Variants in SLC26A5 observed in about 807,000 individuals in gnomAD.
SLC26A5 encodes the protein solute carrier family 26 member 5.
Under a neutral mutation model 81.0 loss-of-function variants are expected in SLC26A5, and 51 were observed. That is an observed-to-expected ratio of 0.63 (90% CI 0.50 to 0.80). SLC26A5 has a LOEUF of 0.80. Among genes scored for constraint, SLC26A5 ranks in the 30% least tolerant of loss-of-function variants. The pLI is 0.00. For missense variants in SLC26A5, 771 were observed against 905.8 expected (o/e 0.85, Z 1.91); for synonymous variants, 325 against 332.8 (o/e 0.98, Z 0.25).
intron 2 of SLC26A5, among the ~76,000 whole-genome samples, chr7:103,434,799 G>C (rs964854565): frequency 2.6e-5 from 4 of 152,028 alleles, no homozygotes; most frequent in Non-Finnish European, 4.4e-5. Flanking sequence ...GTACAGGAGT[G>C]CGCCACCACG....
At chr7:103,425,630 A>C (rs1825663107) in intron 2 of SLC26A5, among the ~76,000 whole-genome samples, 1 of 152,208 alleles carries the variant, frequency 6.6e-6, no homozygotes. Flanking sequence ...TATACATCAT[A>C]TATAGAATAT....
intron 8 of SLC26A5, among the ~76,000 whole-genome samples, chr7:103,405,855 T>C (rs1824005224): frequency 6.6e-6 from 1 of 152,192 alleles, no homozygotes; most frequent in Non-Finnish European, 1.5e-5. Flanking sequence ...GGCTGCTGCC[T>C]TTCTTTCAGA....
rs540352784 is a variant in SLC26A5 at position 103,364,415 on chromosome 7, T to C, written c.2042-11489A>G. ...GAGGGATCCAGACCTGAAATTTCTT[T>C]TTTCTTTTGTTGAGACAGAGTCTCA... On this transcript the variant is annotated intron_variant, in intron 19 of 19. Coordinates refer to the SLC26A5 transcript ENST00000339444. The C allele has an allele frequency of 1.9e-5, 25 of 1,282,516 alleles. No individual in the cohort carries two copies. In the East Asian group the frequency reaches 5.1e-4, roughly 26 times the overall value. The allele number at this position is 1,282,516 out of a possible 1,614,324, so 79.4% of individuals were successfully genotyped here.
At chr7:103,407,000 G>A (rs1442936374) in intron 8 of SLC26A5, among the ~76,000 whole-genome samples, 1 of 152,156 alleles carries the variant, frequency 6.6e-6, no homozygotes, top group Non-Finnish European at 1.5e-5. Flanking sequence ...GTGCAAACAA[G>A]CCCCAGGGTG....
In SLC26A5 at chr7:103,420,674, T is replaced by G; in HGVS notation, c.292+64A>C. On this transcript the variant is annotated intron_variant, in intron 4 of 19. Coordinates refer to ENST00000306312, the MANE Select transcript of SLC26A5 (RefSeq NM_198999.3). The stretch of plus-strand genomic sequence containing the variant: ...TTATGAATTTGCAATCATGATGAAA[T>G]AAACAGAAGGTCAAGCAATTGTTTG... 2.5e-6 allele frequency: 4 copies of G among 1,593,502 alleles called. 1 individual carries two copies. The South Asian group carries it at 4.4e-5, about 18-fold the overall frequency.
In SLC26A5 at chr7:103,427,485, T is replaced by C. The variant is rs565499522; in HGVS notation, c.-53-5918A>G. ...GGGTAAGAGGCTTATCCAAAAATATTTGCAAAACACAAACCCTGTCTCCTA... is the reference window on the plus strand; with the variant it reads ...GGGTAAGAGGCTTATCCAAAAATATCTGCAAAACACAAACCCTGTCTCCTA... On this transcript the variant is annotated intron_variant, in intron 2 of 19. Transcript: ENST00000306312. Among the ~76,000 whole-genome samples, 101 of 152,244 alleles carry C rather than the reference T, an allele frequency of 6.6e-4. 1 individual carries two copies. Among genetic ancestry groups the C allele is most frequent in the African/African-American group, 2.4e-3 (99 of 41,556 alleles).
chr7:103,357,020 G>A (rs1820073096), intron 19 of SLC26A5, among the ~76,000 whole-genome samples: 1 of 151,376 alleles, frequency 6.6e-6, no homozygotes, highest in Admixed American at 6.6e-5. Context: ...TTTTATCATG[G>A]TTTTTGAAGG....
At chr7:103,376,371 C>T (rs113144382) in intron 19 of SLC26A5, among the ~76,000 whole-genome samples, 36 of 152,258 alleles carry the variant, frequency 2.4e-4, no homozygotes, top group South Asian at 4.1e-4. Context: ...TCACAACACC[C>T]GGCCTCAAGC....
chr7:103,442,439 A>C (rs1826951308), intron 2 of SLC26A5, among the ~76,000 whole-genome samples: 1 of 152,122 alleles, frequency 6.6e-6, no homozygotes, highest in Non-Finnish European at 1.5e-5. Context: ...AGCCTGGCCC[A>C]CACTTTCACT....
chr7:103,364,352 T>C (rs758727100), intron 19 of SLC26A5: 5 of 1,601,192 alleles, frequency 3.1e-6, no homozygotes, highest in Non-Finnish European at 4.3e-6. Flanking sequence ...TGAAAGATTT[T>C]ACAGTATGAA....
chr7:103,371,397 T>C (rs944713976), downstream of SLC26A5, among the ~76,000 whole-genome samples: 9 of 150,908 alleles, frequency 6.0e-5, no homozygotes, highest in Admixed American at 2.0e-4. Context: ...CGATCTCGGC[T>C]CACTGCAAGC....
chr7:103,371,410 C>T (rs566019199), downstream of SLC26A5, among the ~76,000 whole-genome samples: 9 of 151,366 alleles, frequency 5.9e-5, no homozygotes, highest in East Asian at 9.8e-4. Flanking sequence ...CTGCAAGCTC[C>T]GCCTCCCGGG....
chr7:103,403,543 T>A (rs186289378), intron 8 of SLC26A5, among the ~76,000 whole-genome samples: 1 of 152,278 alleles, frequency 6.6e-6, no homozygotes, highest in Non-Finnish European at 1.5e-5. Flanking sequence ...GGTTTATGAA[T>A]CTGGGTGCTC....
At chr7:103,382,959 T>C (rs531595609) in intron 14 of SLC26A5, among the ~76,000 whole-genome samples, 3 of 152,304 alleles carry the variant, frequency 2.0e-5, no homozygotes, top group Admixed American at 2.0e-4. Context: ...TTAGCATGAA[T>C]GTCAAAGGAC....
intron 2 of SLC26A5, among the ~76,000 whole-genome samples, chr7:103,437,181 A>G (rs1826511858): frequency 1.3e-5 from 2 of 152,270 alleles, no homozygotes; most frequent in Admixed American, 1.3e-4. Flanking sequence ...TACATGAAAA[A>G]ATGTCCAGCA....
chr7:103,371,665 T>C (rs1441821521), downstream of SLC26A5, among the ~76,000 whole-genome samples: 2 of 150,444 alleles, frequency 1.3e-5, no homozygotes, highest in African/African-American at 4.9e-5. Flanking sequence ...ATCTGCTAAG[T>C]GGAAGGCTGG....
At chr7:103,352,738 ATT>A in exon 20 of SLC26A5, 1 of 733,540 alleles carries the variant, frequency 1.4e-6, no homozygotes, top group Non-Finnish European at 2.5e-6. Flanking sequence ...TGGTAGATTC[ATT>A]TTTTCTTTAT....
At position 103,366,280 on chromosome 7, in the gene SLC26A5, CTG is replaced by C. The variant is rs1820714440; in HGVS notation, c.2041+10526_2041+10527del. On this transcript the variant is annotated intron_variant, in intron 19 of 19. Coordinates refer to the SLC26A5 transcript ENST00000339444. Reference sequence around the variant, plus strand: ...TTTAACTCCAACTCTTCTATGAGCTCTGAAACAGTGGCGCCACAGATCTAATA... The same window carrying C: ...TTTAACTCCAACTCTTCTATGAGCTCAAACAGTGGCGCCACAGATCTAATA... 4.6e-6 allele frequency: 4 copies of C among 868,156 alleles called. No homozygotes were observed. The East Asian group carries it at 9.8e-5, about 21-fold the overall frequency. 53.8% of individuals were successfully genotyped at this position (868,156 alleles called of 1,614,324 possible).
chr7:103,402,868 A>G (rs958141256), intron 8 of SLC26A5, among the ~76,000 whole-genome samples: 5 of 151,688 alleles, frequency 3.3e-5, no homozygotes, highest in African/African-American at 7.3e-5. Context: ...TCTTGTCTCT[A>G]TCTCCTTCAG....
Sources: allele counts gnomAD v4.1 joint callset (sites outside exome capture counted in the v4.1 genomes callset), GRCh38; gene constraint gnomAD v4.1.1; transcripts MANE v1.5; gene names NCBI Gene and HGNC (gene_info 2026-07-23, HGNC 2026-07-21).